Variants in MSH3 observed in about 807,000 individuals in gnomAD.
The protein encoded by MSH3 is mutS homolog 3, also known as DNA mismatch repair protein Msh3.
A neutral mutation model predicts 123.3 loss-of-function variants in MSH3; 106 were observed. That is an observed-to-expected ratio of 0.86 (90% CI 0.73 to 1.01). The LOEUF (loss-of-function observed/expected upper bound fraction) is 1.01. MSH3 is among the 50% of genes least tolerant of loss of function. The pLI, the probability that MSH3 is intolerant of heterozygous loss-of-function variation, is 0.00. For missense variants in MSH3, 1,459 were observed against 1,347.6 expected, an observed-to-expected ratio of 1.08 and a Z score of -1.29; for synonymous variants, 515 against 481.4, an observed-to-expected ratio of 1.07 and a Z score of -0.91.
At chr5:80,866,956 T>C (rs935507801) in intron 22 of MSH3, among the ~76,000 whole-genome samples, 2 of 152,210 alleles carry the variant, frequency 1.3e-5, no homozygotes, top group Non-Finnish European at 2.9e-5. Flanking sequence ...TAGATGTTTT[T>C]CCACACAACT....
At chr5:80,820,522 T>A (rs1028127998) in intron 20 of MSH3, among the ~76,000 whole-genome samples, 1 of 152,114 alleles carries the variant, frequency 6.6e-6, no homozygotes, top group African/African-American at 2.4e-5. Flanking sequence ...TTCCTAGTAC[T>A]AAGTAGATGT....
At chr5:80,784,587 A>G (rs1398050192) in intron 17 of MSH3, among the ~76,000 whole-genome samples, 1 of 152,194 alleles carries the variant, frequency 6.6e-6, no homozygotes, top group Non-Finnish European at 1.5e-5. Context: ...AGCCACTCCA[A>G]AATACACAAT....
intron 3 of MSH3, among the ~76,000 whole-genome samples, chr5:80,666,632 G>A (rs564632958): frequency 6.6e-6 from 1 of 152,244 alleles, no homozygotes; most frequent in South Asian, 2.1e-4. Flanking sequence ...ATACATTATT[G>A]CTTTATACAT....
In MSH3 at chr5:80,767,975, C is replaced by A. The variant is rs1418780560; in HGVS notation, c.1939C>A (p.His647Asn). ...CTTCTTGATTGTCAAAACTTTATAT[C>A]ACCTAAAGTCAGAATTTCAAGCAAT... ...EFFLIVKTLYHLKSEFQAIIP... is the reference protein window; with the variant it reads ...EFFLIVKTLYNLKSEFQAIIP... The change falls in exon 14 of 24, where the codon CAC becomes AAC. Residue 647 changes from histidine to asparagine, a missense_variant. Transcript: ENST00000265081. 7 of 1,612,868 alleles carry A rather than the reference C, an allele frequency of 4.3e-6. No individual in the cohort carries two copies. The highest frequency in any genetic ancestry group is 1.1e-5 in the South Asian group (1 of 91,064).
intron 20 of MSH3, among the ~76,000 whole-genome samples, chr5:80,841,709 A>T (rs1380657606): frequency 6.6e-6 from 1 of 152,182 alleles, no homozygotes; most frequent in East Asian, 1.9e-4. Flanking sequence ...TTTTCTTTTG[A>T]GAAGTGTCTG....
At chr5:80,775,889 A>G in intron 16 of MSH3, 131 bp downstream of exon 16, 3 of 631,228 alleles carry the variant, frequency 4.8e-6, no homozygotes, top group South Asian at 1.8e-5. Flanking sequence ...TTCTGATGGA[A>G]CTTTTTTTTT....
At position 80,820,736 on chromosome 5, in the gene MSH3, C is replaced by T. The variant is rs6151889; in HGVS notation, c.2813+6995C>T. Among the ~76,000 whole-genome samples, 129 of 152,238 alleles carry T rather than the reference C, an allele frequency of 8.5e-4. 1 individual carries two copies. Among genetic ancestry groups the T allele is most frequent in the African/African-American group, 2.9e-3 (121 of 41,532 alleles). ...AGTCATCAAATTTCTATGTAAGTTT[C>T]GGTCTTATAAAGAAAACACTTAAGT... On this transcript the variant is annotated intron_variant, in intron 20 of 23. Coordinates refer to ENST00000265081, the MANE Select transcript of MSH3 (RefSeq NM_002439.5).
chr5:80,799,626 A>G (rs917427462), intron 19 of MSH3, among the ~76,000 whole-genome samples: 6 of 144,720 alleles, frequency 4.1e-5, no homozygotes, highest in African/African-American at 1.5e-4. Flanking sequence ...CAGGGATATT[A>G]TGACTGTCCA....
intron 8 of MSH3, among the ~76,000 whole-genome samples, chr5:80,680,783 G>T (rs1008075268): frequency 1.3e-5 from 2 of 152,034 alleles, no homozygotes; most frequent in Non-Finnish European, 2.9e-5. Context: ...ATCCTAGGGA[G>T]CATCAGTTTA....
chr5:80,751,458 C>T (rs1215077383), intron 12 of MSH3, among the ~76,000 whole-genome samples: 2 of 152,152 alleles, frequency 1.3e-5, no homozygotes, highest in Non-Finnish European at 2.9e-5. Flanking sequence ...GGAAAACTAG[C>T]TAGCTGGAGA....
At chr5:80,777,362 C>T (rs1744324629) in intron 16 of MSH3, among the ~76,000 whole-genome samples, 1 of 151,508 alleles carries the variant, frequency 6.6e-6, no homozygotes, top group Non-Finnish European at 1.5e-5. Flanking sequence ...TCTCTTTTTG[C>T]AGGCATTCTT....
chr5:80,720,502 G>A (rs1393983855), intron 8 of MSH3, among the ~76,000 whole-genome samples: 1 of 151,562 alleles, frequency 6.6e-6, no homozygotes, highest in Non-Finnish European at 1.5e-5. Context: ...TTTATTATCT[G>A]TAGTATTTAT....
At chr5:80,816,862 T>G (rs932170963) in intron 20 of MSH3, among the ~76,000 whole-genome samples, 4 of 152,208 alleles carry the variant, frequency 2.6e-5, no homozygotes, top group African/African-American at 7.2e-5. Context: ...AAGAGGATGT[T>G]TTTTCATAGA....
At chr5:80,681,322 A>G (rs1393780114) in intron 8 of MSH3, among the ~76,000 whole-genome samples, 1 of 152,106 alleles carries the variant, frequency 6.6e-6, no homozygotes, top group Non-Finnish European at 1.5e-5. Flanking sequence ...GTAGGCTTCT[A>G]TATTGTATTT....
In MSH3 at chr5:80,672,788, A is replaced by C; in HGVS notation, c.957A>C (p.Gly319=). The change falls in exon 6 of 24, where the codon GGA becomes GGC. Residue 319 remains glycine (G), a synonymous_variant. Transcript: ENST00000265081. ...QTETAALKAI[G]DNRSSLFSRK... ...AAACTGCAGCATTAAAGGCCATTGGAGACAACAGAAGTTCACTCTTTTCCC... is the reference window on the plus strand; with the variant it reads ...AAACTGCAGCATTAAAGGCCATTGGCGACAACAGAAGTTCACTCTTTTCCC... 6.2e-7 allele frequency: 1 copy of C among 1,614,172 alleles called. No individual in the cohort carries two copies. Among genetic ancestry groups the C allele is most frequent in the South Asian group, 1.1e-5 (1 of 91,084 alleles).
In MSH3 at chr5:80,687,596, G is replaced by A. The variant is rs186489180; in HGVS notation, c.1340+8503G>A. On this transcript the variant is annotated intron_variant, in intron 8 of 23. Coordinates refer to ENST00000265081, the MANE Select transcript of MSH3 (RefSeq NM_002439.5). Reference sequence around the variant, plus strand: ...TGGGGAGGGGGGAAGGGTATGTTGTGTGTGTATGGAAATGATATGAGGTCT... The same window carrying A: ...TGGGGAGGGGGGAAGGGTATGTTGTATGTGTATGGAAATGATATGAGGTCT... Among the ~76,000 whole-genome samples the A allele has an allele frequency of 1.1e-3, 164 of 152,276 alleles. 2 individuals are homozygous for A. Among genetic ancestry groups the A allele is most frequent in the Non-Finnish European group, 1.8e-4 (12 of 68,014 alleles).
Position 80,656,544 on chromosome 5 carries a change from G to T in MSH3, c.358+13G>T. ...TCTGGCAACTCTGGTGAGTTGTGGG[G>T]GATTCTTTTTTCTCCTCAGTCATGG... On this transcript the variant is annotated intron_variant, in intron 2 of 23. Transcript: ENST00000265081. 1 of 1,613,980 alleles carries T rather than the reference G, an allele frequency of 6.2e-7. No individual in the cohort carries two copies. The highest frequency in any genetic ancestry group is 8.5e-7 in the Non-Finnish European group (1 of 1,179,920).
At chr5:80,831,976 GC>G (rs1745426678) in intron 20 of MSH3, among the ~76,000 whole-genome samples, 3 of 147,846 alleles carry the variant, frequency 2.0e-5, no homozygotes, top group Non-Finnish European at 4.5e-5. Flanking sequence ...GGGTGTGGTG[GC>G]GGGGCGCCTA....
At chr5:80,818,015 G>C (rs1745134419) in intron 20 of MSH3, among the ~76,000 whole-genome samples, 2 of 152,126 alleles carry the variant, frequency 1.3e-5, no homozygotes, top group Admixed American at 1.3e-4. Flanking sequence ...TTCAAGACCA[G>C]CCTGGCCAAC....
Sources: allele counts gnomAD v4.1 joint callset (sites outside exome capture counted in the v4.1 genomes callset), GRCh38; gene constraint gnomAD v4.1.1; transcripts MANE v1.5; gene names NCBI Gene and HGNC (gene_info 2026-07-23, HGNC 2026-07-21).